MRPL1: variants seen among roughly 807,000 people sequenced by gnomAD.
MRPL1 encodes the protein large ribosomal subunit protein uL1m.
In MRPL1, 28 loss-of-function variants were observed where a neutral mutation model predicts 38.0. The observed-to-expected ratio is 0.74, with a 90% CI of 0.55 to 1.01. The LOEUF (loss-of-function observed/expected upper bound fraction) is 1.01. MRPL1 is among the 50% of genes least tolerant of loss of function. The pLI is 0.00. For synonymous variants in MRPL1, 123 were observed against 126.7 expected (o/e 0.97, Z 0.20); for missense variants, 358 against 389.8 (o/e 0.92, Z 0.69).
At chr4:77,866,749 C>T (rs11737861) in intron 1 of MRPL1, among the ~76,000 whole-genome samples, 32,339 of 144,700 alleles carry the variant, frequency 0.22, 4,342 homozygotes, top group African/African-American at 0.38. Context: ...TATCACCCCC[C>T]TTTTTTTTTT....
intron 7 of MRPL1, among the ~76,000 whole-genome samples, chr4:77,923,278 T>G (rs1321714238): frequency 6.6e-6 from 1 of 151,926 alleles, no homozygotes; most frequent in Non-Finnish European, 1.5e-5. Context: ...GTAGTTTTAG[T>G]AGAGACAGGG....
At chr4:77,883,604 T>C in intron 3 of MRPL1, 104 bp downstream of exon 3, 1 of 1,209,870 alleles carries the variant, frequency 8.3e-7, no homozygotes, top group Non-Finnish European at 1.1e-6. Context: ...AGACAGGGTC[T>C]TCTTGCCGTG....
chr4:77,926,558 T>G (rs1736716090), intron 7 of MRPL1, among the ~76,000 whole-genome samples: 1 of 152,186 alleles, frequency 6.6e-6, no homozygotes, highest in African/African-American at 2.4e-5. Flanking sequence ...TGGTACTTTG[T>G]GAGAACTATT....
intron 1 of MRPL1, among the ~76,000 whole-genome samples, chr4:77,867,063 A>C (rs1735164054): frequency 6.6e-6 from 1 of 151,994 alleles, no homozygotes; most frequent in South Asian, 2.1e-4. Flanking sequence ...TCACCCTTTT[A>C]ATGAGGCTTG....
In MRPL1 at chr4:77,865,409, C is replaced by T. The variant is rs535332960; in HGVS notation, c.31+2530C>T. ...ATCCTTCATTTGTCCAGGCCAAAAC[C>T]TCAGAATATCCTTGACTCTTTTTTT... On this transcript the variant is annotated intron_variant, in intron 1 of 8. Coordinates refer to ENST00000315567, the MANE Select transcript of MRPL1 (RefSeq NM_020236.4). Among the ~76,000 whole-genome samples, 7 of 151,316 alleles carry T rather than the reference C, an allele frequency of 4.6e-5. No individual in the cohort carries two copies. In the South Asian group the frequency reaches 1.5e-3, roughly 32 times the overall value.
At chr4:77,905,535 G>A (rs1285037135) in intron 6 of MRPL1, among the ~76,000 whole-genome samples, 9 of 147,024 alleles carry the variant, frequency 6.1e-5, no homozygotes, top group Non-Finnish European at 1.3e-4. Flanking sequence ...ATATGTAATT[G>A]GTCATTAAAC....
chr4:77,877,339 G>A (rs1439559115), intron 2 of MRPL1, among the ~76,000 whole-genome samples: 1 of 152,112 alleles, frequency 6.6e-6, no homozygotes, highest in African/African-American at 2.4e-5. Flanking sequence ...CTTGTCAGGA[G>A]TTGAGCTAGG....
At chr4:77,952,090 G>A (rs942956625) in intron 8 of MRPL1, among the ~76,000 whole-genome samples, 3 of 152,158 alleles carry the variant, frequency 2.0e-5, no homozygotes, top group South Asian at 2.1e-4. Flanking sequence ...GGCAGAAGGC[G>A]CTTCTTACAG....
intron 5 of MRPL1, among the ~76,000 whole-genome samples, chr4:77,891,312 G>T (rs1213676981): frequency 6.7e-6 from 1 of 149,954 alleles, no homozygotes; most frequent in African/African-American, 2.4e-5. Flanking sequence ...TTACCTTGTA[G>T]AACTGTCATA....
chr4:77,901,879 C>A (rs2110244459), intron 6 of MRPL1, among the ~76,000 whole-genome samples: 1 of 152,296 alleles, frequency 6.6e-6, no homozygotes, highest in East Asian at 1.9e-4. Flanking sequence ...ATAAAACACC[C>A]AACAACAGCA....
intron 7 of MRPL1, among the ~76,000 whole-genome samples, chr4:77,949,256 G>C (rs976534187): frequency 1.3e-4 from 20 of 152,146 alleles, no homozygotes; most frequent in African/African-American, 4.8e-4. Flanking sequence ...CTCATTCACT[G>C]TATATTTACT....
chr4:77,946,836 T>C (rs1258342543), intron 7 of MRPL1, among the ~76,000 whole-genome samples: 4 of 152,138 alleles, frequency 2.6e-5, no homozygotes, highest in African/African-American at 7.2e-5. Flanking sequence ...TTTTATCCCC[T>C]TTCTTTTAAA....
intron 6 of MRPL1, among the ~76,000 whole-genome samples, chr4:77,898,460 A>G (rs1735965785): frequency 6.6e-6 from 1 of 152,188 alleles, no homozygotes; most frequent in Non-Finnish European, 1.5e-5. Flanking sequence ...GGTAGAAGAT[A>G]TAAAATTAAA....
intron 1 of MRPL1, chr4:77,864,543 T>C (rs1258936442): frequency 6.6e-6 from 1 of 152,224 alleles, no homozygotes; most frequent in African/African-American, 2.4e-5. Flanking sequence ...TGACAAACTT[T>C]TAGGTAATTC....
intron 2 of MRPL1, among the ~76,000 whole-genome samples, chr4:77,877,877 C>T (rs1229129764): frequency 1.3e-5 from 2 of 151,626 alleles, no homozygotes; most frequent in African/African-American, 2.4e-5. Context: ...TTTACCTGTG[C>T]CTTTTCCTGT....
At chr4:77,907,569 C>T (rs1243343588) in intron 6 of MRPL1, among the ~76,000 whole-genome samples, 12 of 150,140 alleles carry the variant, frequency 8.0e-5, no homozygotes, top group Non-Finnish European at 3.0e-5. Flanking sequence ...TCTTTCTCCC[C>T]TCCCCTCCTG....
At chr4:77,917,566 T>TAA (rs199768516) in intron 7 of MRPL1, among the ~76,000 whole-genome samples, 1 of 150,722 alleles carries the variant, frequency 6.6e-6, no homozygotes, top group East Asian at 1.9e-4. Flanking sequence ...AATCTAAGCA[T>TAA]AAAAAAAAAC....
rs546300918 is a variant in MRPL1 at position 77,903,462 on chromosome 4, T to C, written c.671-5804T>C. On this transcript the variant is annotated intron_variant, in intron 6 of 8. Coordinates refer to ENST00000315567, the MANE Select transcript of MRPL1 (RefSeq NM_020236.4). ...CTGCTGTCAGTGCTTATGTTCAACA[T>C]TGTACTGGATGGAGGTCAGTGAAAT... is the stretch of plus-strand genomic sequence containing the variant. Among the ~76,000 whole-genome samples the C allele has an allele frequency of 1.1e-4, 16 of 152,318 alleles. No individual in the cohort carries two copies. The South Asian group carries it at 3.3e-3, about 32-fold the overall frequency.
chr4:77,952,283 T>C (rs1261790006), intron 8 of MRPL1, among the ~76,000 whole-genome samples: 1 of 152,238 alleles, frequency 6.6e-6, no homozygotes, highest in Non-Finnish European at 1.5e-5. Flanking sequence ...AGAAGCTTGG[T>C]GATATTTTTG....
Sources: allele counts gnomAD v4.1 joint callset (sites outside exome capture counted in the v4.1 genomes callset), GRCh38; gene constraint gnomAD v4.1.1; transcripts MANE v1.5; gene names NCBI Gene and HGNC (gene_info 2026-07-23, HGNC 2026-07-21).